Variants in MSI2 observed in about 807,000 individuals in gnomAD.
The protein encoded by MSI2 is RNA-binding protein Musashi homolog 2.
MSI2 carries 17 observed loss-of-function variants against 45.6 expected under a neutral mutation model. The ratio of observed to expected loss-of-function variants is 0.37; its 90% confidence interval spans 0.26 to 0.56. The LOEUF (loss-of-function observed/expected upper bound fraction) is 0.56, where lower values mean the gene tolerates loss of function less well. Ranked by LOEUF, MSI2 falls within the 20% of genes least tolerant of loss-of-function variation. The pLI is 0.77. For synonymous variants in MSI2, 156 were observed against 158.2 expected, an observed-to-expected ratio of 0.99 and a Z score of 0.11; for missense variants, 293 against 444.2, an observed-to-expected ratio of 0.66 and a Z score of 3.06.
intron 7 of MSI2, among the ~76,000 whole-genome samples, chr17:57,537,237 T>G (rs1267658832): frequency 6.6e-6 from 1 of 152,166 alleles, no homozygotes; most frequent in African/African-American, 2.4e-5. Context: ...GGGCTCATTC[T>G]AAAGCTGGGA....
At chr17:57,665,316 G>T (rs8067590) in intron 11 of MSI2, among the ~76,000 whole-genome samples, 2,523 of 152,334 alleles carry the variant, frequency 0.017, 72 homozygotes, top group African/African-American at 0.057. Flanking sequence ...CAGAGAAGCA[G>T]CCGCCCTCCT....
At chr17:57,289,645 T>A (rs1236344313) in intron 5 of MSI2, among the ~76,000 whole-genome samples, 1 of 152,168 alleles carries the variant, frequency 6.6e-6, no homozygotes, top group Non-Finnish European at 1.5e-5. Context: ...AGATGAAAGT[T>A]GGAGGTTGCT....
At chr17:57,573,849 A>C (rs2087943371) in intron 7 of MSI2, among the ~76,000 whole-genome samples, 1 of 152,188 alleles carries the variant, frequency 6.6e-6, no homozygotes, top group African/African-American at 2.4e-5. Context: ...CTGATTCCTC[A>C]TTTGTCTAAC....
chr17:57,511,865 A>G (rs2086363274), intron 6 of MSI2, among the ~76,000 whole-genome samples: 1 of 152,216 alleles, frequency 6.6e-6, no homozygotes, highest in South Asian at 2.1e-4. Context: ...CACACAGGCC[A>G]GGCCCACACA....
chr17:57,371,111 T>C (rs2083413547), intron 5 of MSI2, among the ~76,000 whole-genome samples: 1 of 152,082 alleles, frequency 6.6e-6, no homozygotes, highest in Admixed American at 6.5e-5. Flanking sequence ...AGGAGATAAA[T>C]GTAAATTTCA....
intron 7 of MSI2, among the ~76,000 whole-genome samples, chr17:57,581,004 CTT>C (rs3059122): frequency 2.4e-3 from 160 of 66,468 alleles, no homozygotes; most frequent in African/African-American, 8.0e-3. Context: ...AGGTCAGCAT[CTT>C]TTTTTTTTTT....
intron 7 of MSI2, among the ~76,000 whole-genome samples, chr17:57,586,499 G>GT (rs1180848615): frequency 8.7e-6 from 1 of 114,504 alleles, no homozygotes; most frequent in Non-Finnish European, 2.0e-5. Flanking sequence ...GCCCCCATCA[G>GT]TTAAAAAAAA....
At chr17:57,575,362 C>A (rs900479720) in intron 7 of MSI2, among the ~76,000 whole-genome samples, 16 of 152,168 alleles carry the variant, frequency 1.1e-4, no homozygotes, top group Non-Finnish European at 2.9e-5. Flanking sequence ...ACATTTGACA[C>A]CGCTCTAGGT....
At chr17:57,416,172 A>T (rs758847769) in intron 6 of MSI2, among the ~76,000 whole-genome samples, 2 of 152,068 alleles carry the variant, frequency 1.3e-5, no homozygotes, top group South Asian at 2.1e-4. Context: ...GTCCCCAAGC[A>T]CTCAGTGCTT....
intron 6 of MSI2, among the ~76,000 whole-genome samples, chr17:57,525,631 C>T (rs2086681610): frequency 6.6e-6 from 1 of 152,116 alleles, no homozygotes; most frequent in African/African-American, 2.4e-5. Flanking sequence ...CTAAAGATGT[C>T]AGGGCCATAT....
intron 5 of MSI2, among the ~76,000 whole-genome samples, chr17:57,308,413 A>G (rs768938112): frequency 5.3e-5 from 8 of 152,212 alleles, no homozygotes; most frequent in Non-Finnish European, 8.8e-5. Flanking sequence ...ATATCTATTT[A>G]AATCCCATGA....
chr17:57,305,646 C>G (rs2143569413), intron 5 of MSI2, among the ~76,000 whole-genome samples: 1 of 152,266 alleles, frequency 6.6e-6, no homozygotes, highest in South Asian at 2.1e-4. Flanking sequence ...AAATGGAGCT[C>G]TCACAACAAC....
At position 57,627,909 on chromosome 17, in the gene MSI2, G is replaced by C. The variant is rs1183377324; in HGVS notation, c.727+606G>C. The C allele has an allele frequency of 6.5e-6, 1 of 153,620 alleles. No homozygotes were observed. Among genetic ancestry groups the C allele is most frequent in the Non-Finnish European group, 1.4e-5 (1 of 69,078 alleles). The allele number at this position is 153,620 out of a possible 1,614,324, so 9.5% of individuals were successfully genotyped here. The stretch of plus-strand genomic sequence containing the variant: ...TGAGGCAGAGCCCATGGTGATGCCC[G>C]CCACATGCCAGGGCTGCTCCAGCTC... On this transcript the variant is annotated intron_variant, in intron 10 of 13. Coordinates refer to ENST00000284073, the MANE Select transcript of MSI2 (RefSeq NM_138962.4). The surrounding 1 kb of genome is among the most constrained non-coding windows in gnomAD (Gnocchi z 4.6).
rs1347139126 is a variant in MSI2, at chr17:57,683,944, C to CA, written c.*4435dup. Reference sequence around the variant, plus strand: ...TTCTTTTTCTTTCTTTTTTTTCTACCAAAAAAAAGTAAGTAAACTAAAACA... The same window carrying CA: ...TTCTTTTTCTTTCTTTTTTTTCTACCAAAAAAAAAGTAAGTAAACTAAAACA... On this transcript the variant is annotated 3_prime_UTR_variant, in exon 14 of 14. Transcript: ENST00000284073. The surrounding 1 kb of genome is among the most constrained non-coding windows in gnomAD (Gnocchi z 5.2). The CA allele has an allele frequency of 1.8e-5, 4 of 227,998 alleles. No homozygotes were observed. Among genetic ancestry groups the CA allele is most frequent in the East Asian group, 6.2e-5 (1 of 16,124 alleles). The allele number at this position is 227,998 out of a possible 1,614,324, so 14.1% of individuals were successfully genotyped here.
At chr17:57,622,251 C>CGGCACTGCCTTGT (rs1292962903) in intron 9 of MSI2, among the ~76,000 whole-genome samples, 2 of 152,176 alleles carry the variant, frequency 1.3e-5, no homozygotes, top group South Asian at 2.1e-4. Flanking sequence ...TCAGACTTTG[C>CGGCACTGCCTTGT]GGCACCGCAC....
At chr17:57,404,118 C>T (rs148199302) in intron 6 of MSI2, among the ~76,000 whole-genome samples, 162 of 152,248 alleles carry the variant, frequency 1.1e-3, no homozygotes, top group African/African-American at 3.8e-3. Flanking sequence ...CATTTACTCA[C>T]ATTATCTCAT....
chr17:57,636,497 A>ACTCAGGAGAGG (rs1234945186), intron 10 of MSI2, among the ~76,000 whole-genome samples: 1 of 151,914 alleles, frequency 6.6e-6, no homozygotes, highest in Non-Finnish European at 1.5e-5. Context: ...GTCAGTCCCC[A>ACTCAGGAGAGG]CTCAGGAGAG....
intron 6 of MSI2, among the ~76,000 whole-genome samples, chr17:57,411,570 C>G (rs1165255235): frequency 6.6e-6 from 1 of 152,028 alleles, no homozygotes; most frequent in East Asian, 1.9e-4. Flanking sequence ...TATGTAAGAC[C>G]CCTTAGCCCA....
intron 6 of MSI2, among the ~76,000 whole-genome samples, chr17:57,457,412 C>T (rs2085136660): frequency 6.6e-6 from 1 of 152,220 alleles, no homozygotes; most frequent in Admixed American, 6.5e-5. Flanking sequence ...AGAGCATTTA[C>T]TCTGCTAACA....
Sources: gnomAD v4.1 joint callset for allele counts (sites outside exome capture counted in the v4.1 genomes callset) on GRCh38, gnomAD v4.1.1 for gene constraint, Gnocchi (gnomAD v3.1) non-coding constraint, MANE v1.5 for transcripts, NCBI Gene and HGNC (gene_info 2026-07-23, HGNC 2026-07-21) for gene names.